DHCR24: variants seen among roughly 807,000 people sequenced by gnomAD.
DHCR24 encodes delta(24)-sterol reductase.
DHCR24 carries 28 observed loss-of-function variants against 61.2 expected under a neutral mutation model. The observed-to-expected ratio is 0.46, with a 90% CI of 0.34 to 0.63. DHCR24 has a LOEUF of 0.63. Ranked by LOEUF, DHCR24 falls within the 20% of genes least tolerant of loss-of-function variation. DHCR24 has a pLI of 0.01. For synonymous variants in DHCR24, 261 were observed against 275.9 expected, an observed-to-expected ratio of 0.95 and a Z score of 0.54; for missense variants, 538 against 679.1, an observed-to-expected ratio of 0.79 and a Z score of 2.31.
intron 1 of DHCR24, 67 bp downstream of exon 1, chr1:54,886,822 C>A (rs1647101184): frequency 1.9e-6 from 3 of 1,576,774 alleles, no homozygotes; most frequent in East Asian, 2.3e-5. Context: ...GTCGCCACCT[C>A]GCGTCCCGCT....
At chr1:54,870,557 C>G (rs1298271963) in intron 5 of DHCR24, among the ~76,000 whole-genome samples, 1 of 152,184 alleles carries the variant, frequency 6.6e-6, no homozygotes, top group Admixed American at 6.5e-5. Flanking sequence ...TAAATCATCT[C>G]TAGATTTCTC....
Position 54,851,101 on chromosome 1 carries a change from A to G in DHCR24, c.*1132T>C, listed in dbSNP as rs928719371. 19 of 152,760 alleles carry G rather than the reference A, an allele frequency of 1.2e-4. No individual in the cohort carries two copies. The highest frequency in any genetic ancestry group is 2.6e-4 in the African/African-American group (11 of 41,570). 9.5% of individuals were successfully genotyped at this position (152,760 alleles called of 1,614,324 possible). On this transcript the variant is annotated 3_prime_UTR_variant, in exon 9 of 9. Coordinates refer to ENST00000371269, the MANE Select transcript of DHCR24 (RefSeq NM_014762.4). ...AGGTTCCCTTCCCTCTGGAACGGAA[A>G]TGGAACTTTCTCTGAGCTTAGGATT...
At chr1:54,862,903 C>T (rs534123946) in intron 6 of DHCR24, among the ~76,000 whole-genome samples, 39 of 152,004 alleles carry the variant, frequency 2.6e-4, no homozygotes, top group Admixed American at 1.3e-3. Flanking sequence ...GGTGAAACCC[C>T]GTCTCTACTA....
At chr1:54,878,807 C>T (rs1429519831) in intron 2 of DHCR24, among the ~76,000 whole-genome samples, 1 of 152,014 alleles carries the variant, frequency 6.6e-6, no homozygotes, top group East Asian at 1.9e-4. Context: ...ACCCAGCTCC[C>T]CAAAAGGTAA....
Position 54,871,543 on chromosome 1 carries a change from T to C in DHCR24, c.683A>G (p.Glu228Gly). 1 of 1,614,176 alleles carries C rather than the reference T, an allele frequency of 6.2e-7. No homozygotes were observed. The highest frequency in any genetic ancestry group is 8.5e-7 in the Non-Finnish European group (1 of 1,180,018). ...CGTLGFLVAAEIRIIPAKKYV... is the reference protein window; with the variant it reads ...CGTLGFLVAAGIRIIPAKKYV... Reference sequence around the variant, plus strand: ...CTTCTTGGCAGGGATGATGCGGATCTCAGCGGCCACCAGGAAACCCAGCGT... The same window carrying C: ...CTTCTTGGCAGGGATGATGCGGATCCCAGCGGCCACCAGGAAACCCAGCGT... Residue 228 changes from glutamate to glycine, a missense_variant, in exon 5 of 9, where the codon GAG (glutamate) becomes GGG (glycine). Coordinates refer to ENST00000371269, the MANE Select transcript of DHCR24 (RefSeq NM_014762.4).
At chr1:54,873,457 T>G (rs546308546) in intron 4 of DHCR24, among the ~76,000 whole-genome samples, 1 of 152,254 alleles carries the variant, frequency 6.6e-6, no homozygotes, top group East Asian at 1.9e-4. Flanking sequence ...TTCTGCTTAT[T>G]AAAAAAAAGT....
rs541923410 is a variant in DHCR24 at position 54,876,730 on chromosome 1, G to T, written c.388-683C>A. Among the ~76,000 whole-genome samples the T allele has an allele frequency of 5.2e-4, 79 of 151,076 alleles. 1 individual carries two copies. Among genetic ancestry groups the T allele is most frequent in the African/African-American group, 1.7e-3 (71 of 41,162 alleles). ...TTAATAACACAGTGTATTTACTTTGGTTTTTTTTTCCCCACACATACTGTA... is the reference window on the plus strand; with the variant it reads ...TTAATAACACAGTGTATTTACTTTGTTTTTTTTTTCCCCACACATACTGTA... On this transcript the variant is annotated intron_variant, in intron 2 of 8. Transcript: ENST00000371269.
intron 2 of DHCR24, among the ~76,000 whole-genome samples, chr1:54,882,893 TGAG>T (rs1401687614): frequency 6.6e-6 from 1 of 151,936 alleles, no homozygotes; most frequent in Non-Finnish European, 1.5e-5. Flanking sequence ...CCAAGGAGCA[TGAG>T]GAGATTTTGG....
chr1:54,882,463 C>A (rs1343862192), intron 2 of DHCR24, among the ~76,000 whole-genome samples: 1 of 152,220 alleles, frequency 6.6e-6, no homozygotes, highest in Non-Finnish European at 1.5e-5. Flanking sequence ...TGTACACCCA[C>A]CTTATGATCT....
chr1:54,869,896 A>T (rs1358312130), intron 5 of DHCR24, among the ~76,000 whole-genome samples: 1 of 152,086 alleles, frequency 6.6e-6, no homozygotes, highest in Non-Finnish European at 1.5e-5. Context: ...TTCTACTAAA[A>T]ATACAAAAAT....
At chr1:54,881,216 G>C (rs1448061667) in intron 2 of DHCR24, among the ~76,000 whole-genome samples, 4 of 152,152 alleles carry the variant, frequency 2.6e-5, no homozygotes, top group Admixed American at 2.6e-4. Context: ...GAAAATATTT[G>C]CAAATCATGA....
At chr1:54,866,695 G>A (rs543222423) in intron 5 of DHCR24, among the ~76,000 whole-genome samples, 6 of 152,154 alleles carry the variant, frequency 3.9e-5, no homozygotes, top group Middle Eastern at 3.2e-3. Flanking sequence ...ACCCTTTGCC[G>A]TGGATCTCTG....
intron 2 of DHCR24, among the ~76,000 whole-genome samples, chr1:54,878,053 C>T (rs1409234876): frequency 2.0e-5 from 3 of 149,902 alleles, no homozygotes; most frequent in Non-Finnish European, 4.4e-5. Flanking sequence ...AAGGTGAATA[C>T]AGTGTGCAGG....
intron 8 of DHCR24, among the ~76,000 whole-genome samples, chr1:54,852,659 AG>A (rs1239623582): frequency 2.0e-4 from 31 of 152,292 alleles, no homozygotes; most frequent in African/African-American, 7.5e-4. Flanking sequence ...GCTTGGCCAG[AG>A]GCACAGCTGC....
intron 1 of DHCR24, chr1:54,886,574 G>A: frequency 7.2e-7 from 1 of 1,382,818 alleles, no homozygotes. Context: ...CCACCTCCCG[G>A]AAGCCTTTCC....
intron 2 of DHCR24, among the ~76,000 whole-genome samples, chr1:54,877,288 A>G (rs1406543542): frequency 6.6e-6 from 1 of 151,884 alleles, no homozygotes; most frequent in Non-Finnish European, 1.5e-5. Flanking sequence ...TTAAAATTTA[A>G]CACTATACTA....
intron 2 of DHCR24, among the ~76,000 whole-genome samples, chr1:54,878,358 C>T (rs1272350390): frequency 6.8e-6 from 1 of 147,518 alleles, no homozygotes; most frequent in Non-Finnish European, 1.5e-5. Context: ...AAAAAAAATA[C>T]AAAAAATTAG....
In DHCR24 at chr1:54,871,461, G is replaced by C; in HGVS notation, c.765C>G (p.Phe255Leu). The C allele has an allele frequency of 6.2e-7, 1 of 1,614,202 alleles. No individual in the cohort carries two copies. The highest frequency in any genetic ancestry group is 8.5e-7 in the Non-Finnish European group (1 of 1,180,032). The change falls in exon 5 of 9, where the codon TTC becomes TTG. Residue 255 changes from phenylalanine to leucine, a missense_variant. Phe to Leu is a conservative substitution (Grantham distance 22). Transcript: ENST00000371269. Reference sequence around the variant, plus strand: ...TCTCCTGCCGCTGGGACTCGTGGGTGAACTTGGCACAGATAGCCTCCAGGC... The same window carrying C: ...TCTCCTGCCGCTGGGACTCGTGGGTCAACTTGGCACAGATAGCCTCCAGGC... ...VRGLEAICAK[F>L]THESQRQENH...
intron 2 of DHCR24, among the ~76,000 whole-genome samples, chr1:54,882,870 G>A (rs1385063614): frequency 6.6e-6 from 1 of 152,162 alleles, no homozygotes; most frequent in East Asian, 1.9e-4. Context: ...CTAGGGGCTA[G>A]AGGAAGGGAT....
Sources: gnomAD v4.1 joint callset for allele counts (sites outside exome capture counted in the v4.1 genomes callset) on GRCh38, gnomAD v4.1.1 for gene constraint, MANE v1.5 for transcripts, NCBI Gene and HGNC (gene_info 2026-07-23, HGNC 2026-07-21) for gene names.